Variants in ANKFY1 observed in about 807,000 individuals in gnomAD.
The protein encoded by ANKFY1 is ankyrin repeat and FYVE domain containing 1.
In ANKFY1, 47 loss-of-function variants were observed where a neutral mutation model predicts 128.3. That is an observed-to-expected ratio of 0.37 (90% CI 0.29 to 0.47). ANKFY1 has a LOEUF of 0.47. ANKFY1 is among the 20% of genes least tolerant of loss of function. The pLI is 1.00. For synonymous variants in ANKFY1, 553 were observed against 601.6 expected (o/e 0.92, Z 1.18); for missense variants, 1,222 against 1,510.6 (o/e 0.81, Z 3.17).
At chr17:4,201,891 G>A (rs1180287355) in intron 7 of ANKFY1, among the ~76,000 whole-genome samples, 4 of 152,016 alleles carry the variant, frequency 2.6e-5, no homozygotes, top group East Asian at 3.8e-4. Flanking sequence ...AACTCCACAC[G>A]GATTTGGTAT....
rs1219629583 is a variant in ANKFY1 at position 4,185,026 on chromosome 17, T to A, written c.1491A>T (p.Thr497=). The A allele has an allele frequency of 6.2e-7, 1 of 1,613,270 alleles. No individual in the cohort carries two copies. The highest frequency in any genetic ancestry group is 8.5e-7 in the Non-Finnish European group (1 of 1,180,002). The change falls in exon 12 of 25, where the codon ACA becomes ACT. Residue 497 remains threonine (T), a synonymous_variant. Coordinates refer to ENST00000341657, the MANE Select transcript of ANKFY1 (RefSeq NM_001330063.2). Reference sequence around the variant, plus strand: ...GGTTGGCCAGGCCATGCCGACACGCTGTGTGCAACGGGGTTTCTCCCTGAA... The same window carrying A: ...GGTTGGCCAGGCCATGCCGACACGCAGTGTGCAACGGGGTTTCTCCCTGAA... ...RNKWGETPLH[T]ACRHGLANLT...
intron 2 of ANKFY1, 123 bp downstream of exon 2, chr17:4,242,133 G>A (rs1967267978): frequency 9.7e-7 from 1 of 1,031,228 alleles, no homozygotes; most frequent in Admixed American, 3.1e-5. Flanking sequence ...TCTATTCTAG[G>A]GAATCGATTT....
chr17:4,256,933 T>C (rs1214684708), intron 1 of ANKFY1, among the ~76,000 whole-genome samples: 2 of 152,178 alleles, frequency 1.3e-5, no homozygotes, highest in Non-Finnish European at 2.9e-5. Context: ...TCATAAGAGA[T>C]GCATAACAAA....
In ANKFY1 at chr17:4,195,173, C is replaced by G; in HGVS notation, c.1177G>C (p.Asp393His). The change falls in exon 10 of 25, where the codon GAT becomes CAT. Residue 393 changes from aspartate to histidine, a missense_variant. Coordinates refer to ENST00000341657, the MANE Select transcript of ANKFY1 (RefSeq NM_001330063.2). ...FSQLLQCKQL[D>H]LELKDHEGST... The stretch of plus-strand genomic sequence containing the variant: ...CCCTCGTGGTCTTTGAGTTCTAAAT[C>G]TAGTCTGAAAAGCAGAAGCAGTGTC... 1 of 1,605,096 alleles carries G rather than the reference C, an allele frequency of 6.2e-7. No homozygotes were observed. Among genetic ancestry groups the G allele is most frequent in the Non-Finnish European group, 8.5e-7 (1 of 1,173,596 alleles).
Position 4,178,797 on chromosome 17 carries a change from A to C in ANKFY1, c.2598+60T>G. ...CCTGTTTAGTCGGTGACATCTGTCT[A>C]GTCTCCAGGTTCCGCGACGCCCAGG... is the stretch of plus-strand genomic sequence containing the variant. On this transcript the variant is annotated intron_variant, in intron 18 of 24. Coordinates refer to ENST00000341657, the MANE Select transcript of ANKFY1 (RefSeq NM_001330063.2). The surrounding 1 kb of genome is among the most constrained non-coding windows in gnomAD (Gnocchi z 4.1). 3.3e-6 allele frequency: 5 copies of C among 1,504,826 alleles called. No individual in the cohort carries two copies. The highest frequency in any genetic ancestry group is 4.6e-6 in the Non-Finnish European group (5 of 1,085,572). The allele number at this position is 1,504,826 out of a possible 1,614,324, so 93.2% of individuals were successfully genotyped here. A position where few individuals can be genotyped will look rare whatever the true frequency, so the allele number is the denominator to read the frequency against.
chr17:4,179,138 C>T, intron 17 of ANKFY1, 81 bp from the exon 18 acceptor site: 1 of 1,464,354 alleles, frequency 6.8e-7, no homozygotes, highest in South Asian at 1.1e-5. Flanking sequence ...ACTTTTAAAT[C>T]AAATTTCAGT....
intron 1 of ANKFY1, among the ~76,000 whole-genome samples, chr17:4,247,780 C>A (rs970284379): frequency 6.6e-6 from 1 of 152,158 alleles, no homozygotes; most frequent in African/African-American, 2.4e-5. Context: ...TCAAGCCCAG[C>A]CCCACTACTG....
rs1189715955 is a variant in ANKFY1, at chr17:4,169,037, G to A, written c.3377+161C>T. ...GCCTTCCCTACATCTCTGTTCCTCA[G>A]TAGGATCCTTGGGTGTGCTCATCTC... On this transcript the variant is annotated intron_variant, in intron 24 of 24. Coordinates refer to ENST00000341657, the MANE Select transcript of ANKFY1 (RefSeq NM_001330063.2). The surrounding 1 kb of genome is among the most constrained non-coding windows in gnomAD (Gnocchi z 5.0). 4.8e-6 allele frequency: 3 copies of A among 628,990 alleles called. No homozygotes were observed. The Admixed American group carries it at 7.9e-5, about 16-fold the overall frequency. 39.0% of individuals were successfully genotyped at this position (628,990 alleles called of 1,614,324 possible).
At chr17:4,258,690 T>C (rs1029638053) in intron 1 of ANKFY1, among the ~76,000 whole-genome samples, 2 of 152,204 alleles carry the variant, frequency 1.3e-5, no homozygotes, top group Non-Finnish European at 2.9e-5. Flanking sequence ...ACTAGCCACA[T>C]GGCTACTGAG....
At chr17:4,239,433 G>T (rs552346238) in intron 2 of ANKFY1, among the ~76,000 whole-genome samples, 14 of 152,302 alleles carry the variant, frequency 9.2e-5, no homozygotes, top group Non-Finnish European at 1.9e-4. Context: ...CCTTTACTCA[G>T]AATATATACT....
rs758432380 is a variant in ANKFY1, at chr17:4,173,945, C to T, written c.2887G>A (p.Val963Met). ...TICSVLLENG[V>M]DFAAVDENGN... Reference sequence around the variant, plus strand: ...TTCTCATCCACGGCAGCAAAGTCCACGCCATTCTCTAGGAGGACTGAGCAG... The same window carrying T: ...TTCTCATCCACGGCAGCAAAGTCCATGCCATTCTCTAGGAGGACTGAGCAG... The change falls in exon 20 of 25, where the codon GTG becomes ATG. Residue 963 changes from valine to methionine, a missense_variant. Physicochemically the swap from Val to Met is conservative, Grantham distance 21. Coordinates refer to ENST00000341657, the MANE Select transcript of ANKFY1 (RefSeq NM_001330063.2). 26 of 1,613,932 alleles carry T rather than the reference C, an allele frequency of 1.6e-5. No individual in the cohort carries two copies. Among genetic ancestry groups the T allele is most frequent in the Middle Eastern group, 1.6e-4 (1 of 6,084 alleles).
intron 1 of ANKFY1, among the ~76,000 whole-genome samples, chr17:4,244,687 C>T (rs767953533): frequency 2.8e-4 from 43 of 152,192 alleles, no homozygotes; most frequent in Non-Finnish European, 5.6e-4. Context: ...AGCAATGATT[C>T]CCATCTCCCC....
intron 16 of ANKFY1, chr17:4,180,386 G>C (rs1429299464): frequency 6.5e-6 from 1 of 152,894 alleles, no homozygotes; most frequent in South Asian, 2.0e-4. Flanking sequence ...GCAGTGAGCC[G>C]AGATGGCGCC....
At position 4,228,645 on chromosome 17, in the gene ANKFY1, G is replaced by A. The variant is rs113179202; in HGVS notation, c.322+7127C>T. On this transcript the variant is annotated intron_variant, in intron 3 of 24. Transcript: ENST00000341657. ...TTAGCTAGGCTGGTCTCAAACTCCTGACCTCAAGTGATCCACCCAACTTGG... is the reference window on the plus strand; with the variant it reads ...TTAGCTAGGCTGGTCTCAAACTCCTAACCTCAAGTGATCCACCCAACTTGG... 1.5e-3 allele frequency among the ~76,000 whole-genome samples: 224 copies of A among 152,254 alleles called. 1 individual carries two copies. The highest frequency in any genetic ancestry group is 5.1e-3 in the African/African-American group (212 of 41,550).
In ANKFY1 at chr17:4,173,403, G is replaced by A. The variant is rs764450059; in HGVS notation, c.2965C>T (p.Arg989Trp). The A allele has an allele frequency of 1.9e-6, 3 of 1,614,052 alleles. No homozygotes were observed. Among genetic ancestry groups the A allele is most frequent in the Admixed American group, 3.3e-5 (2 of 60,014 alleles). ...ACTGTGCACTCTGTCAGGAGAACCC[G>A]GATGTTGTTGAGCCGGCCGTGCATG... is the stretch of plus-strand genomic sequence containing the variant. ...AVMHGRLNNI[R>W]VLLTECTVDA... The change falls in exon 21 of 25, where the codon CGG becomes TGG. Residue 989 changes from arginine to tryptophan, a missense_variant. Physicochemically the swap from Arg to Trp is moderately radical, Grantham distance 101. Coordinates refer to ENST00000341657, the MANE Select transcript of ANKFY1 (RefSeq NM_001330063.2).
rs2059799467 is a variant in ANKFY1 at position 4,195,417 on chromosome 17, C to T, written c.1158G>A (p.Leu386=). The change falls in exon 9 of 25, where the codon CTG becomes CTA. Residue 386 remains leucine (L), a synonymous_variant. Coordinates refer to ENST00000341657, the MANE Select transcript of ANKFY1 (RefSeq NM_001330063.2). ...MAGNEYVFSQ[L]LQCKQLDLEL... ...TCCCTACGTACTGTTTGCACTGCAG[C>T]AGCTGACTGAACACATATTCATTCC... The T allele has an allele frequency of 1.2e-6, 2 of 1,614,000 alleles. No homozygotes were observed. The highest frequency in any genetic ancestry group is 1.7e-5 in the Admixed American group (1 of 59,988).
chr17:4,174,806 T>C (rs904886797), intron 19 of ANKFY1, among the ~76,000 whole-genome samples: 3 of 151,996 alleles, frequency 2.0e-5, no homozygotes, highest in Admixed American at 2.0e-4. Context: ...CACTGCAGCC[T>C]TGAACGCCTG....
At chr17:4,241,865 G>A (rs8065643) in intron 2 of ANKFY1, among the ~76,000 whole-genome samples, 9,979 of 151,586 alleles carry the variant, frequency 0.066, 798 homozygotes, top group African/African-American at 0.19. Flanking sequence ...CGAGGCAGGC[G>A]GACCATGAGG....
chr17:4,221,837 G>A (rs935011598), intron 3 of ANKFY1, among the ~76,000 whole-genome samples: 2 of 152,092 alleles, frequency 1.3e-5, no homozygotes, highest in African/African-American at 2.4e-5. Context: ...GGCTGGTCTG[G>A]AACTCCTGAC....
Sources: gnomAD v4.1 joint callset for allele counts (sites outside exome capture counted in the v4.1 genomes callset) on GRCh38, gnomAD v4.1.1 for gene constraint, Gnocchi (gnomAD v3.1) non-coding constraint, MANE v1.5 for transcripts, NCBI Gene and HGNC (gene_info 2026-07-23, HGNC 2026-07-21) for gene names.